NRG3: variants seen among roughly 807,000 people sequenced by gnomAD.
NRG3 encodes the protein neuregulin 3, also known as pro-neuregulin-3, membrane-bound isoform.
NRG3 carries 31 observed loss-of-function variants against 66.9 expected under a neutral mutation model. The observed-to-expected ratio is 0.46, with a 90% CI of 0.35 to 0.63. The LOEUF (loss-of-function observed/expected upper bound fraction) is 0.63. NRG3 is among the 20% of genes least tolerant of loss of function. NRG3 has a pLI of 0.00. For synonymous variants in NRG3, 393 were observed against 359.4 expected (o/e 1.09, Z -1.06); for missense variants, 910 against 878.9 (o/e 1.04, Z -0.45).
intron 1 of NRG3, among the ~76,000 whole-genome samples, chr10:82,264,897 G>C (rs908235840): frequency 1.3e-5 from 2 of 152,112 alleles, no homozygotes; most frequent in African/African-American, 4.8e-5. Context: ...AAGAGAGAAG[G>C]GAGGGAAGTG....
chr10:82,274,089 T>C (rs1234757060), intron 1 of NRG3, among the ~76,000 whole-genome samples: 2 of 152,014 alleles, frequency 1.3e-5, no homozygotes, highest in African/African-American at 4.8e-5. Flanking sequence ...TCAGAGTGGA[T>C]TTCAGAGGAG....
chr10:82,577,021 C>A (rs1479112272), intron 2 of NRG3, among the ~76,000 whole-genome samples: 1 of 151,640 alleles, frequency 6.6e-6, no homozygotes, highest in Non-Finnish European at 1.5e-5. Context: ...AGTTTTCCAA[C>A]GTTTTATTAT....
intron 1 of NRG3, among the ~76,000 whole-genome samples, chr10:82,102,487 G>C (rs1207019382): frequency 7.3e-5 from 11 of 150,778 alleles, no homozygotes; most frequent in Non-Finnish European, 1.3e-4. Context: ...TTTAGGTTTA[G>C]CTTTTTTATT....
intron 2 of NRG3, among the ~76,000 whole-genome samples, chr10:82,476,406 C>T (rs1303278522): frequency 1.3e-5 from 2 of 152,218 alleles, no homozygotes; most frequent in African/African-American, 4.8e-5. Context: ...TTGATACACT[C>T]ATGTTCATAG....
At chr10:82,003,841 A>G (rs1589748783) in intron 1 of NRG3, among the ~76,000 whole-genome samples, 1 of 152,130 alleles carries the variant, frequency 6.6e-6, no homozygotes, top group Non-Finnish European at 1.5e-5. Flanking sequence ...GGGTAAAGGA[A>G]GTTGCTGTGC....
intron 1 of NRG3, among the ~76,000 whole-genome samples, chr10:82,090,652 G>C (rs1223243428): frequency 1.3e-5 from 2 of 152,114 alleles, no homozygotes; most frequent in African/African-American, 4.8e-5. Context: ...TGCCTAAATG[G>C]GGTTGAAACC....
chr10:82,224,984 A>G (rs1277282537), intron 1 of NRG3, among the ~76,000 whole-genome samples: 1 of 151,988 alleles, frequency 6.6e-6, no homozygotes, highest in Non-Finnish European at 1.5e-5. Context: ...TAGTAAAATT[A>G]TTAAATATTA....
At chr10:82,601,821 G>C (rs2047648987) in intron 2 of NRG3, among the ~76,000 whole-genome samples, 1 of 146,318 alleles carries the variant, frequency 6.8e-6, no homozygotes. Flanking sequence ...ACCAGCCTGG[G>C]CAACACAGTA....
intron 2 of NRG3, among the ~76,000 whole-genome samples, chr10:82,367,749 C>T (rs929425088): frequency 3.9e-5 from 6 of 152,030 alleles, no homozygotes; most frequent in African/African-American, 7.3e-5. Flanking sequence ...AATCCCAGAA[C>T]TTAGGAGGCT....
intron 1 of NRG3, among the ~76,000 whole-genome samples, chr10:82,071,325 G>T (rs960998820): frequency 3.9e-5 from 6 of 152,178 alleles, no homozygotes; most frequent in Admixed American, 2.0e-4. Flanking sequence ...GCTGAGCAAG[G>T]ATGGGGATAA....
chr10:82,893,417 C>T (rs761704291), intron 4 of NRG3, among the ~76,000 whole-genome samples: 1 of 152,118 alleles, frequency 6.6e-6, no homozygotes, highest in Non-Finnish European at 1.5e-5. Context: ...GGGCCAGGCG[C>T]GGTGGCTCAC....
intron 2 of NRG3, among the ~76,000 whole-genome samples, chr10:82,492,462 C>G (rs1843238252): frequency 6.6e-6 from 1 of 152,096 alleles, no homozygotes; most frequent in African/African-American, 2.4e-5. Flanking sequence ...TTTCTGATGT[C>G]ACTGTGAACC....
chr10:82,274,921 C>T (rs569720355), intron 1 of NRG3, among the ~76,000 whole-genome samples: 85 of 152,046 alleles, frequency 5.6e-4, no homozygotes, highest in African/African-American at 1.9e-3. Flanking sequence ...CTGCCCAATT[C>T]CAAACTTCAT....
At chr10:82,801,254 G>T (rs367726673) in intron 3 of NRG3, among the ~76,000 whole-genome samples, 1 of 152,120 alleles carries the variant, frequency 6.6e-6, no homozygotes. Flanking sequence ...TTAATCTCAG[G>T]AATCTGGAGA....
chr10:82,735,611 C>T (rs1277345814), intron 2 of NRG3, among the ~76,000 whole-genome samples: 2 of 152,108 alleles, frequency 1.3e-5, no homozygotes, highest in Non-Finnish European at 2.9e-5. Flanking sequence ...TTTGCAGGGA[C>T]ATGGATGAAG....
intron 1 of NRG3, among the ~76,000 whole-genome samples, chr10:82,351,162 G>A (rs570851661): frequency 9.9e-5 from 15 of 152,278 alleles, no homozygotes; most frequent in Non-Finnish European, 1.6e-4. Flanking sequence ...CCAAAGTGCT[G>A]GGATTACAGG....
chr10:82,298,477 A>G (rs981924679), intron 1 of NRG3, among the ~76,000 whole-genome samples: 1 of 152,138 alleles, frequency 6.6e-6, no homozygotes, highest in African/African-American at 2.4e-5. Flanking sequence ...AACATTTATA[A>G]TTTTATTAAA....
chr10:82,956,259 A>C lies in NRG3; in HGVS notation c.1158-2690A>C, dbSNP rs552669633. Among the ~76,000 whole-genome samples, 54 of 152,116 alleles carry C rather than the reference A, an allele frequency of 3.5e-4. 2 individuals carry two copies. The highest frequency in any genetic ancestry group is 1.3e-3 in the African/African-American group (52 of 41,360). The stretch of plus-strand genomic sequence containing the variant: ...CTCAAATGAACTGTAAAGTTTCCAC[A>C]CTGACACTGTTGGGCTAATAGTATT... On this transcript the variant is annotated intron_variant, in intron 5 of 8. Coordinates refer to ENST00000372141, the MANE Select transcript of NRG3 (RefSeq NM_001010848.4).
Position 82,131,155 on chromosome 10 carries a change from T to C in NRG3, c.824-227584T>C, listed in dbSNP as rs896576212. On this transcript the variant is annotated intron_variant, in intron 1 of 8. Transcript: ENST00000372141. Reference sequence around the variant, plus strand: ...TAGAAAGTATCCCCAATGTTCTCTTTTAGTATTTTCATTGTTTGAGGTCTT... The same window carrying C: ...TAGAAAGTATCCCCAATGTTCTCTTCTAGTATTTTCATTGTTTGAGGTCTT... Among the ~76,000 whole-genome samples, 71 of 152,164 alleles carry C rather than the reference T, an allele frequency of 4.7e-4. 2 individuals carry two copies. The highest frequency in any genetic ancestry group is 7.4e-5 in the Non-Finnish European group (5 of 68,016).
Sources: gnomAD v4.1 joint callset for allele counts (sites outside exome capture counted in the v4.1 genomes callset) on GRCh38, gnomAD v4.1.1 for gene constraint, MANE v1.5 for transcripts, NCBI Gene and HGNC (gene_info 2026-07-23, HGNC 2026-07-21) for gene names.